RGS7: variants seen among roughly 807,000 people sequenced by gnomAD.
The protein encoded by RGS7 is regulator of G-protein signaling 7.
In RGS7, 27 loss-of-function variants were observed where a neutral mutation model predicts 81.1. The observed-to-expected ratio is 0.33, with a 90% CI of 0.25 to 0.46. RGS7 has a LOEUF of 0.46. RGS7 is among the 20% of genes least tolerant of loss of function. The pLI, the probability that RGS7 is intolerant of heterozygous loss-of-function variation, is 1.00. For missense variants in RGS7, 396 were observed against 607.4 expected (o/e 0.65, Z 3.66); for synonymous variants, 208 against 207.7 (o/e 1.00, Z -0.01).
intron 2 of RGS7, among the ~76,000 whole-genome samples, chr1:241,281,270 G>T (rs2078493975): frequency 6.6e-6 from 1 of 152,150 alleles, no homozygotes; most frequent in Non-Finnish European, 1.5e-5. Flanking sequence ...AATTATAATT[G>T]CATAAAATCA....
At chr1:240,823,049 G>C (rs930487931) in intron 10 of RGS7, 2 of 669,032 alleles carry the variant, frequency 3.0e-6, no homozygotes, top group Non-Finnish European at 5.3e-6. Flanking sequence ...AAATCTAGTC[G>C]TTTCTTAGCC....
At chr1:240,795,525 C>A (rs192211088) in intron 18 of RGS7, among the ~76,000 whole-genome samples, 127 of 152,286 alleles carry the variant, frequency 8.3e-4, no homozygotes, top group African/African-American at 2.9e-3. Context: ...GATACCTCTT[C>A]CCTTGTAAAT....
intron 2 of RGS7, among the ~76,000 whole-genome samples, chr1:241,180,120 A>G (rs987448310): frequency 6.6e-6 from 1 of 152,170 alleles, no homozygotes; most frequent in African/African-American, 2.4e-5. Context: ...CACACCTGTC[A>G]TCCCAGCACT....
chr1:240,785,223 T>C (rs538082245), intron 18 of RGS7, among the ~76,000 whole-genome samples: 2 of 152,336 alleles, frequency 1.3e-5, no homozygotes, highest in African/African-American at 4.8e-5. Context: ...TTCAGACTCT[T>C]TACTGTTACC....
rs1663941770 is a variant in RGS7, at chr1:240,868,745, C to T, written c.527+31G>A. ...CTGAACAAAAAGGCCACAACTGGAA[C>T]AAATCTTCCAAACGACTCACAAGGA... On this transcript the variant is annotated intron_variant, in intron 8 of 18. Coordinates refer to ENST00000440928, the MANE Select transcript of RGS7 (RefSeq NM_001364886.1). This position sits in a 1 kb window ranked among gnomAD's most constrained non-coding sequence, Gnocchi z 5.1. 6.2e-7 allele frequency: 1 copy of T among 1,612,172 alleles called. No homozygotes were observed. The highest frequency in any genetic ancestry group is 8.5e-7 in the Non-Finnish European group (1 of 1,178,594).
chr1:240,868,021 A>G lies in RGS7; in HGVS notation c.609+566T>C, dbSNP rs1444045185. The stretch of plus-strand genomic sequence containing the variant: ...ATAAAAAAAGAGAGAGAGAGAAAGA[A>G]AGAAAAGAAAAGAAGAGAAAAGAAA... On this transcript the variant is annotated intron_variant, in intron 9 of 18. Transcript: ENST00000440928. This position sits in a 1 kb window ranked among gnomAD's most constrained non-coding sequence, Gnocchi z 5.1. Among the ~76,000 whole-genome samples, 1 of 151,602 alleles carries G rather than the reference A, an allele frequency of 6.6e-6. No homozygotes were observed. The highest frequency in any genetic ancestry group is 2.4e-5 in the African/African-American group (1 of 41,252).
chr1:241,042,665 C>T (rs977130494), intron 3 of RGS7, among the ~76,000 whole-genome samples: 28 of 152,122 alleles, frequency 1.8e-4, no homozygotes, highest in African/African-American at 6.5e-4. Flanking sequence ...CTTGGCCGGG[C>T]GTAGTGGCTC....
At chr1:240,948,519 T>C (rs1048062404) in intron 4 of RGS7, among the ~76,000 whole-genome samples, 3 of 152,108 alleles carry the variant, frequency 2.0e-5, no homozygotes, top group Admixed American at 1.3e-4. Flanking sequence ...TCTGGGCTCA[T>C]TGCAACCACC....
intron 4 of RGS7, among the ~76,000 whole-genome samples, chr1:240,958,988 G>A (rs114572304): frequency 3.3e-5 from 5 of 152,182 alleles, no homozygotes; most frequent in Admixed American, 1.3e-4. Context: ...TTGCCTGGCC[G>A]TGCACACTTT....
At chr1:241,155,933 C>T (rs1446210541) in intron 2 of RGS7, among the ~76,000 whole-genome samples, 2 of 152,102 alleles carry the variant, frequency 1.3e-5, no homozygotes, top group Non-Finnish European at 2.9e-5. Flanking sequence ...TTAGTCCTTT[C>T]TTCATGACTA....
At chr1:241,327,599 G>A (rs950034454) in intron 2 of RGS7, among the ~76,000 whole-genome samples, 1 of 152,140 alleles carries the variant, frequency 6.6e-6, no homozygotes, top group Non-Finnish European at 1.5e-5. Flanking sequence ...CTGTCTGAGA[G>A]CCTGTATCAT....
chr1:240,781,164 G>A (rs1045025238), intron 18 of RGS7, among the ~76,000 whole-genome samples: 4 of 152,036 alleles, frequency 2.6e-5, no homozygotes, highest in Admixed American at 6.6e-5. Context: ...AGTTAAGCCC[G>A]ACAAACTCTT....
chr1:241,125,324 AAC>A (rs2066575948), intron 2 of RGS7, among the ~76,000 whole-genome samples: 1 of 152,178 alleles, frequency 6.6e-6, no homozygotes, highest in Non-Finnish European at 1.5e-5. Flanking sequence ...TTAAGGGGAT[AAC>A]AATGAGAGGG....
intron 2 of RGS7, among the ~76,000 whole-genome samples, chr1:241,320,569 C>A (rs1306868416): frequency 6.6e-6 from 1 of 152,142 alleles, no homozygotes; most frequent in Non-Finnish European, 1.5e-5. Flanking sequence ...TCTTGACACC[C>A]TAAAAAGGGT....
chr1:240,793,977 C>T (rs1686564139), intron 18 of RGS7, among the ~76,000 whole-genome samples: 1 of 152,032 alleles, frequency 6.6e-6, no homozygotes, highest in South Asian at 2.1e-4. Flanking sequence ...CAACAGAATC[C>T]ATAGCACTCA....
intron 6 of RGS7, among the ~76,000 whole-genome samples, chr1:240,882,803 C>T (rs1208701935): frequency 6.6e-6 from 1 of 152,082 alleles, no homozygotes; most frequent in Non-Finnish European, 1.5e-5. Flanking sequence ...TGCATTCATC[C>T]CTAAACTACA....
At chr1:241,138,304 A>T (rs2067675814) in intron 2 of RGS7, among the ~76,000 whole-genome samples, 1 of 152,166 alleles carries the variant, frequency 6.6e-6, no homozygotes, top group South Asian at 2.1e-4. Flanking sequence ...GAAATGGGAG[A>T]TGTCACAGTC....
intron 6 of RGS7, among the ~76,000 whole-genome samples, chr1:240,910,112 A>G (rs913774010): frequency 6.6e-6 from 1 of 152,190 alleles, no homozygotes; most frequent in East Asian, 1.9e-4. Flanking sequence ...ATCCCTGAAC[A>G]TATTTCGAAC....
chr1:240,917,311 G>A (rs1395791959), intron 6 of RGS7, among the ~76,000 whole-genome samples: 2 of 152,132 alleles, frequency 1.3e-5, no homozygotes, highest in Non-Finnish European at 2.9e-5. Flanking sequence ...ATAAAGAAAG[G>A]AAGACTATTA....
Sources: allele counts gnomAD v4.1 joint callset (sites outside exome capture counted in the v4.1 genomes callset), GRCh38; gene constraint gnomAD v4.1.1; non-coding constraint Gnocchi (gnomAD v3.1); transcripts MANE v1.5; gene names NCBI Gene and HGNC (gene_info 2026-07-23, HGNC 2026-07-21).